HTR1A: variants seen among roughly 807,000 people sequenced by gnomAD.
HTR1A encodes 5-HT1a receptor.
A neutral mutation model predicts 24.6 loss-of-function variants in HTR1A; 17 were observed. The observed-to-expected ratio is 0.69, with a 90% CI of 0.47 to 1.04. HTR1A has a LOEUF of 1.04. HTR1A is among the 50% of genes least tolerant of loss of function. HTR1A has a pLI of 0.00. For synonymous variants in HTR1A, 262 were observed against 244.6 expected (o/e 1.07, Z -0.67); for missense variants, 515 against 565.1 (o/e 0.91, Z 0.90).
At position 63,960,585 on chromosome 5, in the gene HTR1A, T is replaced by A; in HGVS notation, c.1135A>T (p.Thr379Ser). The change falls in exon 1 of 1, where the codon ACC becomes TCC. Residue 379 changes from threonine (T) to serine (S), a missense_variant. Coordinates refer to ENST00000323865, the MANE Select transcript of HTR1A (RefSeq NM_000524.4). ...CAATTGATTATGGCGCCCAACAGGG[T>A]GGGCATGTGGCAGCTGCTCTCGCAG... ...PFCESSCHMP[T>S]LLGAIINWLG... 1 of 1,614,010 alleles carries A rather than the reference T, an allele frequency of 6.2e-7. No homozygotes were observed. Among genetic ancestry groups the A allele is most frequent in the African/African-American group, 1.3e-5 (1 of 74,970 alleles).
rs1197092697 is a variant in HTR1A at position 63,960,727 on chromosome 5, C to G, written c.993G>C (p.Ala331=). 26 of 1,614,130 alleles carry G rather than the reference C, an allele frequency of 1.6e-5. No homozygotes were observed. Among genetic ancestry groups the G allele is most frequent in the Non-Finnish European group, 2.1e-5 (25 of 1,180,046 alleles). ...FERKNERNAE[A]KRKMALARER... ...CTCGGGCCAGGGCCATCTTGCGCTT[C>G]GCCTCGGCGTTGCGCTCATTTTTCC... is the stretch of plus-strand genomic sequence containing the variant. Residue 331 remains alanine, a synonymous_variant, in exon 1 of 1, where the codon GCG becomes GCC. Transcript: ENST00000323865.
rs1746356427 is a variant in HTR1A, at chr5:63,958,497, C to T, written c.*1954G>A. On this transcript the variant is annotated 3_prime_UTR_variant, in exon 1 of 1. Transcript: ENST00000323865. ...ACTTTTCACTGGCAATTTTTGCAAT[C>T]TGTAAATGTAATACGGTTCTCAAAA... Among the ~76,000 whole-genome samples, 1 of 152,174 alleles carries T rather than the reference C, an allele frequency of 6.6e-6. No homozygotes were observed. Among genetic ancestry groups the T allele is most frequent in the Admixed American group, 6.5e-5 (1 of 15,286 alleles).
Position 63,960,589 on chromosome 5 carries a change from C to T in HTR1A, c.1131G>A (p.Met377Ile). The T allele has an allele frequency of 6.2e-7, 1 of 1,614,186 alleles. No individual in the cohort carries two copies. Among genetic ancestry groups the T allele is most frequent in the Non-Finnish European group, 8.5e-7 (1 of 1,180,036 alleles). ...TGATTATGGCGCCCAACAGGGTGGG[C>T]ATGTGGCAGCTGCTCTCGCAGAAGG... Reference protein sequence around the residue: ...VLPFCESSCHMPTLLGAIINW... With the variant: ...VLPFCESSCHIPTLLGAIINW... The change falls in exon 1 of 1, where the codon ATG (methionine) becomes ATA (isoleucine). Residue 377 changes from methionine to isoleucine, a missense_variant. Transcript: ENST00000323865.
In HTR1A at chr5:63,960,946, C is replaced by G. The variant is rs749883886; in HGVS notation, c.774G>C (p.Ser258=). 27 of 1,614,052 alleles carry G rather than the reference C, an allele frequency of 1.7e-5. No individual in the cohort carries two copies. The highest frequency in any genetic ancestry group is 6.6e-5 in the South Asian group (6 of 91,094). ...PQPKKSVNGE[S]GSRNWRLGVE... The stretch of plus-strand genomic sequence containing the variant: ...CGCCCAGCCTCCAGTTCCTGCTCCC[C>G]GACTCTCCATTCACACTCTTCTTGG... The change falls in exon 1 of 1, where the codon TCG becomes TCC. Residue 258 remains serine, a synonymous_variant. Coordinates refer to ENST00000323865, the MANE Select transcript of HTR1A (RefSeq NM_000524.4).
Position 63,960,883 on chromosome 5 carries a change from G to T in HTR1A, c.837C>A (p.Gly279=), listed in dbSNP as rs201463384. Residue 279 remains glycine, a synonymous_variant, in exon 1 of 1, where the codon GGC becomes GGA. Coordinates refer to ENST00000323865, the MANE Select transcript of HTR1A (RefSeq NM_000524.4). ...SKAGGALCAN[G]AVRQGDDGAA... ...CGCCATCGTCACCTTGCCTCACCGC[G>T]CCATTGGCGCACAGAGCACCCCCAG... The T allele has an allele frequency of 6.2e-7, 1 of 1,613,914 alleles. No individual in the cohort carries two copies. Among genetic ancestry groups the T allele is most frequent in the South Asian group, 1.1e-5 (1 of 91,076 alleles).
chr5:63,959,345 G>A lies in HTR1A; in HGVS notation c.*1106C>T, dbSNP rs1020889125. Among the ~76,000 whole-genome samples, 4 of 152,240 alleles carry A rather than the reference G, an allele frequency of 2.6e-5. No individual in the cohort carries two copies. Among genetic ancestry groups the A allele is most frequent in the African/African-American group, 7.2e-5 (3 of 41,472 alleles). On this transcript the variant is annotated 3_prime_UTR_variant, in exon 1 of 1. Coordinates refer to ENST00000323865, the MANE Select transcript of HTR1A (RefSeq NM_000524.4). ...ACTGGCTAAGGCAAAAACCTCAGGT[G>A]TCTACCCGCGCTTCAGGGCGCCCCA...
chr5:63,960,515 T>A lies in HTR1A; in HGVS notation c.1205A>T (p.Tyr402Phe), dbSNP rs1746405599. ...CGCGTTTTGAAAGTCCTTGTTGAAG[T>A]ATGCGTAAATGACGGGGTTAAGCAG... ...NSLLNPVIYA[Y>F]FNKDFQNAFK... Residue 402 changes from tyrosine (Y) to phenylalanine (F), a missense_variant, in exon 1 of 1, where the codon TAC (tyrosine) becomes TTC (phenylalanine). Around this residue, in one of 3 missense-constraint regions of HTR1A, gnomAD observed 381 missense variants for 384.5 expected, o/e 0.99. Transcript: ENST00000323865. 4 of 1,614,208 alleles carry A rather than the reference T, an allele frequency of 2.5e-6. No individual in the cohort carries two copies. The East Asian group carries it at 8.9e-5, about 36-fold the overall frequency.
At position 63,958,836 on chromosome 5, in the gene HTR1A, C is replaced by T. The variant is rs1746364189; in HGVS notation, c.*1615G>A. On this transcript the variant is annotated 3_prime_UTR_variant, in exon 1 of 1. Coordinates refer to ENST00000323865, the MANE Select transcript of HTR1A (RefSeq NM_000524.4). Reference sequence around the variant, plus strand: ...AGGGCAAAAAGGTGGTTTCCGCAGACCCTTGGTACAGCAGAATGGTCACGC... The same window carrying T: ...AGGGCAAAAAGGTGGTTTCCGCAGATCCTTGGTACAGCAGAATGGTCACGC... Among the ~76,000 whole-genome samples, 1 of 152,150 alleles carries T rather than the reference C, an allele frequency of 6.6e-6. No homozygotes were observed. The highest frequency in any genetic ancestry group is 1.5e-5 in the Non-Finnish European group (1 of 68,032).
At position 63,960,374 on chromosome 5, in the gene HTR1A, T is replaced by G. The variant is rs886072419; in HGVS notation, c.*77A>C. On this transcript the variant is annotated 3_prime_UTR_variant, in exon 1 of 1. Coordinates refer to ENST00000323865, the MANE Select transcript of HTR1A (RefSeq NM_000524.4). ...AGAAGTGGCGAATTATCTTAAGTGTTGATTCCCTAGGGTTGGGGGAAGCAT... is the reference window on the plus strand; with the variant it reads ...AGAAGTGGCGAATTATCTTAAGTGTGGATTCCCTAGGGTTGGGGGAAGCAT... The G allele has an allele frequency of 2.1e-6, 3 of 1,430,398 alleles. No homozygotes were observed. The highest frequency in any genetic ancestry group is 4.6e-5 in the East Asian group (2 of 43,954). The allele number at this position is 1,430,398 out of a possible 1,614,324, so 88.6% of individuals were successfully genotyped here.
Position 63,958,788 on chromosome 5 carries a change from G to A in HTR1A, c.*1663C>T, listed in dbSNP as rs1746362737. Among the ~76,000 whole-genome samples the A allele has an allele frequency of 6.6e-6, 1 of 152,140 alleles. No homozygotes were observed. Among genetic ancestry groups the A allele is most frequent in the Non-Finnish European group, 1.5e-5 (1 of 68,020 alleles). ...TTCAAGAATAACTGAAGGAGAGAAA[G>A]CCTGGAATGCTGCACAATTCAAAGG... On this transcript the variant is annotated 3_prime_UTR_variant, in exon 1 of 1. Transcript: ENST00000323865.
At position 63,958,365 on chromosome 5, in the gene HTR1A, G is replaced by A. The variant is rs1308430206; in HGVS notation, c.*2086C>T. The stretch of plus-strand genomic sequence containing the variant: ...GGATATGATGTCTACTTCCAGTTTA[G>A]AATACAGAAGCAGACACCAAAGGAA... On this transcript the variant is annotated 3_prime_UTR_variant, in exon 1 of 1. Coordinates refer to ENST00000323865, the MANE Select transcript of HTR1A (RefSeq NM_000524.4). Among the ~76,000 whole-genome samples the A allele has an allele frequency of 6.6e-6, 1 of 152,268 alleles. No homozygotes were observed. Among genetic ancestry groups the A allele is most frequent in the African/African-American group, 2.4e-5 (1 of 41,560 alleles).
At position 63,959,517 on chromosome 5, in the gene HTR1A, G is replaced by C. The variant is rs1746379855; in HGVS notation, c.*934C>G. 6.6e-6 allele frequency among the ~76,000 whole-genome samples: 1 copy of C among 152,232 alleles called. No homozygotes were observed. The highest frequency in any genetic ancestry group is 1.5e-5 in the Non-Finnish European group (1 of 68,034). ...AAACAGCGGCCGGCTGGCGCCTCCCGCAGTAAGTAAGTGGCGATGTCAGGT... is the reference window on the plus strand; with the variant it reads ...AAACAGCGGCCGGCTGGCGCCTCCCCCAGTAAGTAAGTGGCGATGTCAGGT... On this transcript the variant is annotated 3_prime_UTR_variant, in exon 1 of 1. Coordinates refer to ENST00000323865, the MANE Select transcript of HTR1A (RefSeq NM_000524.4).
rs1302630789 is a variant in HTR1A at position 63,960,325 on chromosome 5, G to C, written c.*126C>G. The stretch of plus-strand genomic sequence containing the variant: ...GGGGAGGGGACCAGGTCTGCAAGCC[G>C]TGAGCGGAGCAGAGAGAAAGAGGAG... On this transcript the variant is annotated 3_prime_UTR_variant, in exon 1 of 1. Transcript: ENST00000323865. 1.9e-6 allele frequency: 2 copies of C among 1,050,696 alleles called. No individual in the cohort carries two copies. Among genetic ancestry groups the C allele is most frequent in the Middle Eastern group, 2.9e-4 (1 of 3,408 alleles). The allele number at this position is 1,050,696 out of a possible 1,614,324, so 65.1% of individuals were successfully genotyped here.
chr5:63,960,808 G>T lies in HTR1A; in HGVS notation c.912C>A (p.His304Gln), dbSNP rs769656650. ...GACCAGCCTCGCTGGGCAGAGGCAA[G>T]TGCTCTTTGGAGTTGCCCACTCGGT... Reference protein sequence around the residue: ...EVHRVGNSKEHLPLPSEAGPT... With the variant: ...EVHRVGNSKEQLPLPSEAGPT... The change falls in exon 1 of 1, where the codon CAC becomes CAA. Residue 304 changes from histidine (H) to glutamine (Q), a missense_variant. Coordinates refer to ENST00000323865, the MANE Select transcript of HTR1A (RefSeq NM_000524.4). 1 of 1,614,160 alleles carries T rather than the reference G, an allele frequency of 6.2e-7. No individual in the cohort carries two copies. Among genetic ancestry groups the T allele is most frequent in the South Asian group, 1.1e-5 (1 of 91,092 alleles).
Position 63,960,376 on chromosome 5 carries a change from A to C in HTR1A, c.*75T>G. On this transcript the variant is annotated 3_prime_UTR_variant, in exon 1 of 1. Coordinates refer to ENST00000323865, the MANE Select transcript of HTR1A (RefSeq NM_000524.4). ...AAGTGGCGAATTATCTTAAGTGTTG[A>C]TTCCCTAGGGTTGGGGGAAGCATAG... The C allele has an allele frequency of 6.9e-7, 1 of 1,443,862 alleles. No individual in the cohort carries two copies. Among genetic ancestry groups the C allele is most frequent in the African/African-American group, 1.4e-5 (1 of 71,722 alleles). The allele number at this position is 1,443,862 out of a possible 1,614,324, so 89.4% of individuals were successfully genotyped here. A position where few individuals can be genotyped will look rare whatever the true frequency, so the allele number is the denominator to read the frequency against.
Position 63,960,839 on chromosome 5 carries a change from T to G in HTR1A, c.881A>C (p.Glu294Ala). 1 of 1,614,118 alleles carries G rather than the reference T, an allele frequency of 6.2e-7. No homozygotes were observed. The highest frequency in any genetic ancestry group is 8.5e-7 in the Non-Finnish European group (1 of 1,179,996). ...TTTGGAGTTGCCCACTCGGTGCACCTCGATCACCTCCAGGGCGGCGCCATC... is the reference window on the plus strand; with the variant it reads ...TTTGGAGTTGCCCACTCGGTGCACCGCGATCACCTCCAGGGCGGCGCCATC... Reference protein sequence around the residue: ...GDDGAALEVIEVHRVGNSKEH... With the variant: ...GDDGAALEVIAVHRVGNSKEH... Residue 294 changes from glutamate to alanine, a missense_variant, in exon 1 of 1, where the codon GAG becomes GCG. Transcript: ENST00000323865.
In HTR1A at chr5:63,960,984, G is replaced by A; in HGVS notation, c.736C>T (p.Pro246Ser). 1 of 1,614,184 alleles carries A rather than the reference G, an allele frequency of 6.2e-7. No homozygotes were observed. Among genetic ancestry groups the A allele is most frequent in the Non-Finnish European group, 8.5e-7 (1 of 1,180,042 alleles). ...TGADTRHGAS[P>S]APQPKKSVNG... Reference sequence around the variant, plus strand: ...ACACTCTTCTTGGGCTGCGGGGCGGGAGATGCTCCATGGCGGGTGTCCGCT... The same window carrying A: ...ACACTCTTCTTGGGCTGCGGGGCGGAAGATGCTCCATGGCGGGTGTCCGCT... The change falls in exon 1 of 1, where the codon CCC becomes TCC. Residue 246 changes from proline (P) to serine (S), a missense_variant. Around this residue, in one of 3 missense-constraint regions of HTR1A, gnomAD observed 381 missense variants for 384.5 expected, o/e 0.99. Coordinates refer to ENST00000323865, the MANE Select transcript of HTR1A (RefSeq NM_000524.4).
Position 63,961,751 on chromosome 5 carries a change from A to G in HTR1A, c.-32T>C. ...GCGCCCGGCGCGGGAAGGGGGAGGG[A>G]AGAAAAAGCAGCGCGAAGATTCGCC... On this transcript the variant is annotated 5_prime_UTR_variant, in exon 1 of 1. Coordinates refer to ENST00000323865, the MANE Select transcript of HTR1A (RefSeq NM_000524.4). 1 of 1,612,146 alleles carries G rather than the reference A, an allele frequency of 6.2e-7. No individual in the cohort carries two copies. The highest frequency in any genetic ancestry group is 1.1e-5 in the South Asian group (1 of 91,028).
Position 63,961,001 on chromosome 5 carries a change from G to T in HTR1A, c.719C>A (p.Thr240Asn). The T allele has an allele frequency of 1.2e-6, 2 of 1,614,146 alleles. No homozygotes were observed. The highest frequency in any genetic ancestry group is 1.7e-6 in the Non-Finnish European group (2 of 1,180,030). Residue 240 changes from threonine (T) to asparagine (N), a missense_variant, in exon 1 of 1, where the codon ACC (threonine) becomes AAC (asparagine). Thr to Asn is a moderately conservative substitution (Grantham distance 65). Transcript: ENST00000323865. ...CGGGGCGGGAGATGCTCCATGGCGG[G>T]TGTCCGCTCCGGTCTTCTCCACCTT... is the stretch of plus-strand genomic sequence containing the variant. Reference protein sequence around the residue: ...VKKVEKTGADTRHGASPAPQP... With the variant: ...VKKVEKTGADNRHGASPAPQP...
Sources: gnomAD v4.1 joint callset for allele counts (sites outside exome capture counted in the v4.1 genomes callset) on GRCh38, gnomAD v4.1.1 for gene constraint, gnomAD v4.1.1 regional missense constraint, MANE v1.5 for transcripts, NCBI Gene and HGNC (gene_info 2026-07-23, HGNC 2026-07-21) for gene names.